The following USP30 variants were observed in gnomAD, a reference collection of about 807,000 sequenced individuals.
USP30 encodes ubiquitin specific peptidase 30, also known as ubiquitin carboxyl-terminal hydrolase 30.
Under a neutral mutation model 68.2 loss-of-function variants are expected in USP30, and 41 were observed. The ratio of observed to expected loss-of-function variants is 0.60; its 90% confidence interval spans 0.47 to 0.78. The LOEUF (loss-of-function observed/expected upper bound fraction) is 0.78, where lower values mean the gene tolerates loss of function less well. Among genes scored for constraint, USP30 ranks in the 30% least tolerant of loss-of-function variants. The probability of loss-of-function intolerance (pLI) is 0.00; values close to 1 mark genes in which losing one functional copy is unlikely to be tolerated. For synonymous variants in USP30, 229 were observed against 253.7 expected, an observed-to-expected ratio of 0.90 and a Z score of 0.93; for missense variants, 522 against 649.4, an observed-to-expected ratio of 0.80 and a Z score of 2.13.
chr12:109,067,470 G>C, intron 3 of USP30, 54 bp from the exon 4 acceptor site: 1 of 1,493,314 alleles, frequency 6.7e-7, no homozygotes, highest in Non-Finnish European at 9.3e-7. Context: ...CAAGTTTTCT[G>C]GTTAGTTGTT....
intron 11 of USP30, among the ~76,000 whole-genome samples, chr12:109,084,573 C>T (rs556842602): frequency 2.0e-4 from 30 of 152,228 alleles, no homozygotes; most frequent in Admixed American, 7.2e-4. Flanking sequence ...CAGGACAGCC[C>T]CCGCAACAAA....
intron 2 of USP30, among the ~76,000 whole-genome samples, chr12:109,057,198 C>CT (rs552208209): frequency 7.5e-4 from 107 of 143,552 alleles, no homozygotes; most frequent in Admixed American, 1.5e-3. Context: ...AAATTATTTT[C>CT]TTTTTTTTTT....
chr12:109,084,292 TGAA>T (rs1566108197), intron 11 of USP30, among the ~76,000 whole-genome samples: 3 of 152,170 alleles, frequency 2.0e-5, no homozygotes, highest in Non-Finnish European at 4.4e-5. Flanking sequence ...AAATGACACT[TGAA>T]AGGAAAAGAC....
chr12:109,029,298 AG>A lies in USP30; in HGVS notation c.-136+1746del, dbSNP rs2040465312. Among the ~76,000 whole-genome samples the A allele has an allele frequency of 5.3e-5, 8 of 152,200 alleles. 1 individual carries two copies. In the South Asian group the frequency reaches 1.7e-3, roughly 31 times the overall value. On this transcript the variant is annotated intron_variant, in intron 3 of 15. Coordinates refer to the USP30 transcript ENST00000392784. ...GTTTATTTTGGAGAATAAACCTGAG[AG>A]GGGCTTCTGGCCGAGTTAGGTCAGA... is the stretch of plus-strand genomic sequence containing the variant.
At chr12:109,040,317 T>C (rs541569182) in intron 3 of USP30, among the ~76,000 whole-genome samples, 1 of 152,224 alleles carries the variant, frequency 6.6e-6, no homozygotes, top group Non-Finnish European at 1.5e-5. Flanking sequence ...TATGTTCTGA[T>C]CCACTTGACT....
At chr12:109,051,693 C>T (rs532087627), upstream of USP30, among the ~76,000 whole-genome samples, 336 of 151,806 alleles carry the variant, frequency 2.2e-3, 2 homozygotes, top group African/African-American at 7.5e-3. Context: ...CCTCAGCCTC[C>T]TGAGTAGCTG....
intron 2 of USP30, among the ~76,000 whole-genome samples, chr12:109,026,452 G>A (rs2040445970): frequency 6.6e-6 from 1 of 151,520 alleles, no homozygotes; most frequent in Admixed American, 6.6e-5. Context: ...TAGTCTTGGT[G>A]GCTTACACAA....
Position 109,058,023 on chromosome 12 carries a change from A to G in USP30, c.291A>G (p.Glu97=). 2.5e-6 allele frequency: 4 copies of G among 1,614,158 alleles called. 1 individual carries two copies. In the South Asian group the frequency reaches 4.4e-5, roughly 18 times the overall value. ...SACPAFIRWL[E]EFTSQYSRDQ... ...GTCCTGCTTTCATCAGGTGGCTGGA[A>G]GAGTTCACCTCCCAGTACTCCAGGG... Residue 97 remains glutamate, a synonymous_variant, in exon 3 of 13, where the codon GAA becomes GAG. Coordinates refer to ENST00000257548, the MANE Select transcript of USP30 (RefSeq NM_032663.5).
chr12:109,076,458 A>G (rs970641987), intron 7 of USP30, among the ~76,000 whole-genome samples: 2 of 150,222 alleles, frequency 1.3e-5, no homozygotes, highest in Admixed American at 1.3e-4. Context: ...GACTTATGGT[A>G]CAAAGTTAAA....
upstream of USP30, among the ~76,000 whole-genome samples, chr12:109,051,249 CTTTTTTT>C (rs138942249): frequency 3.3e-4 from 21 of 63,582 alleles, no homozygotes; most frequent in Non-Finnish European, 3.9e-4. Context: ...TTACCTCTTG[CTTTTTTT>C]TTTTTTTTTT....
At chr12:109,024,314 G>A (rs969997357) in intron 1 of USP30, among the ~76,000 whole-genome samples, 2 of 152,026 alleles carry the variant, frequency 1.3e-5, no homozygotes, top group Non-Finnish European at 2.9e-5. Flanking sequence ...CTGGAGTGTG[G>A]TGGTGTGATC....
At chr12:109,055,450 T>C (rs1040193929) in intron 1 of USP30, among the ~76,000 whole-genome samples, 33 of 114,692 alleles carry the variant, frequency 2.9e-4, no homozygotes, top group Non-Finnish European at 5.7e-4. Context: ...TCACCCAGGC[T>C]GGAGTGCAGT....
rs1215332299 is a variant in USP30, at chr12:109,081,619, G to A, written c.780+226G>A. On this transcript the variant is annotated intron_variant, in intron 8 of 12. Transcript: ENST00000257548. ...GCTTTTTGAATACACACGCACGCAT[G>A]CGCGCACACACACACACACACACAC... 2.0e-5 allele frequency: 10 copies of A among 490,648 alleles called. No homozygotes were observed. The East Asian group carries it at 3.2e-4, about 16-fold the overall frequency. The allele number at this position is 490,648 out of a possible 1,614,324, so 30.4% of individuals were successfully genotyped here. A position where few individuals can be genotyped will look rare whatever the true frequency, so the allele number is the denominator to read the frequency against.
intron 1 of USP30, chr12:109,053,956 G>A (rs2040756995): frequency 4.4e-6 from 2 of 455,582 alleles, no homozygotes; most frequent in South Asian, 1.6e-5. Flanking sequence ...TTCACTCACT[G>A]TGACCAAGTT....
intron 7 of USP30, among the ~76,000 whole-genome samples, chr12:109,078,683 C>G (rs2041690637): frequency 6.6e-6 from 1 of 150,682 alleles, no homozygotes; most frequent in African/African-American, 2.4e-5. Flanking sequence ...CTCAGTCTTT[C>G]TTGTAGATCA....
intron 3 of USP30, among the ~76,000 whole-genome samples, chr12:109,037,367 T>C (rs2040529221): frequency 6.6e-6 from 1 of 152,248 alleles, no homozygotes; most frequent in Non-Finnish European, 1.5e-5. Context: ...TTTGATCATA[T>C]TTAAAACTTA....
intron 3 of USP30, among the ~76,000 whole-genome samples, chr12:109,035,433 G>A (rs112645060): frequency 0.027 from 4,032 of 151,976 alleles, 180 homozygotes; most frequent in African/African-American, 0.092. Flanking sequence ...GCACAATCTC[G>A]GCTTACTGCA....
intron 6 of USP30, 79 bp downstream of exon 6, chr12:109,072,429 ATT>A: frequency 6.9e-7 from 1 of 1,447,214 alleles, no homozygotes; most frequent in Non-Finnish European, 9.6e-7. Context: ...TTTTAAAAAG[ATT>A]TTTTTCTGGT....
chr12:109,063,030 A>T (rs905927582), intron 3 of USP30, among the ~76,000 whole-genome samples: 2 of 152,116 alleles, frequency 1.3e-5, no homozygotes, highest in African/African-American at 4.8e-5. Flanking sequence ...ATTTCACTTA[A>T]TGTCTTCAGG....
Sources: allele counts gnomAD v4.1 joint callset (sites outside exome capture counted in the v4.1 genomes callset), GRCh38; gene constraint gnomAD v4.1.1; transcripts MANE v1.5; gene names NCBI Gene and HGNC (gene_info 2026-07-23, HGNC 2026-07-21).